ATP1A2: variants seen among roughly 807,000 people sequenced by gnomAD.
The protein encoded by ATP1A2 is sodium/potassium-transporting ATPase subunit alpha-2.
In ATP1A2, 56 loss-of-function variants were observed where a neutral mutation model predicts 113.1. The ratio of observed to expected loss-of-function variants is 0.49; its 90% confidence interval spans 0.40 to 0.62. ATP1A2 has a LOEUF of 0.62. ATP1A2 is among the 20% of genes least tolerant of loss of function. ATP1A2 has a pLI of 0.00. For synonymous variants in ATP1A2, 490 were observed against 526.8 expected, an observed-to-expected ratio of 0.93 and a Z score of 0.96; for missense variants, 712 against 1,357.8, an observed-to-expected ratio of 0.52 and a Z score of 7.47.
At chr1:160,136,092 G>T (rs977073147) in intron 17 of ATP1A2, 99 bp downstream of exon 17, 57 of 1,605,084 alleles carry the variant, frequency 3.6e-5, no homozygotes, top group Non-Finnish European at 4.6e-5. Context: ...AGCTGTGGGG[G>T]TTACAGGAGA....
intron 1 of ATP1A2, among the ~76,000 whole-genome samples, chr1:160,118,998 T>G (rs1651278893): frequency 6.6e-6 from 1 of 151,968 alleles, no homozygotes; most frequent in South Asian, 2.1e-4. Flanking sequence ...ACCCATAGAA[T>G]GTACACCAAG....
At chr1:160,128,229 G>A (rs900781864) in intron 8 of ATP1A2, among the ~76,000 whole-genome samples, 1 of 152,000 alleles carries the variant, frequency 6.6e-6, no homozygotes, top group African/African-American at 2.4e-5. Flanking sequence ...CTCTTTTGTC[G>A]ATTGCTGTGA....
At chr1:160,119,527 C>G (rs1429222181) in intron 1 of ATP1A2, among the ~76,000 whole-genome samples, 1 of 151,950 alleles carries the variant, frequency 6.6e-6, no homozygotes, top group African/African-American at 2.4e-5. Context: ...TTTTTGGGAA[C>G]TTTTCATGGC....
intron 1 of ATP1A2, among the ~76,000 whole-genome samples, chr1:160,117,522 T>C (rs758103138): frequency 5.3e-5 from 8 of 152,122 alleles, no homozygotes; most frequent in Non-Finnish European, 8.8e-5. Context: ...AATAGCAAGA[T>C]GAGGAGCAGA....
At position 160,120,794 on chromosome 1, in the gene ATP1A2, C is replaced by A. The variant is rs760555091; in HGVS notation, c.13-112C>A. 165 of 1,113,408 alleles carry A rather than the reference C, an allele frequency of 1.5e-4. 1 individual carries two copies. Among genetic ancestry groups the A allele is most frequent in the Non-Finnish European group, 2.0e-4 (149 of 756,404 alleles). 69.0% of individuals were successfully genotyped at this position (1,113,408 alleles called of 1,614,324 possible). On this transcript the variant is annotated intron_variant, in intron 1 of 22. Coordinates refer to ENST00000361216, the MANE Select transcript of ATP1A2 (RefSeq NM_000702.4). ...ATCCCCCCTATCTCCCCCAAGGCAG[C>A]CGCTGCTTTTGAACACACACCCCCA...
intron 13 of ATP1A2, among the ~76,000 whole-genome samples, chr1:160,133,266 G>A (rs920482088): frequency 5.3e-5 from 8 of 152,102 alleles, no homozygotes; most frequent in African/African-American, 1.4e-4. Context: ...CAAGTAGGAT[G>A]AGGACGGCAA....
chr1:160,131,872 GGTAA>G (rs1651786383), intron 13 of ATP1A2, among the ~76,000 whole-genome samples: 1 of 152,044 alleles, frequency 6.6e-6, no homozygotes. Context: ...ACTGCAAGTG[GGTAA>G]GTCTTTTCCC....
intron 1 of ATP1A2, among the ~76,000 whole-genome samples, chr1:160,118,054 T>G (rs1382617105): frequency 6.6e-6 from 1 of 151,644 alleles, no homozygotes; most frequent in African/African-American, 2.4e-5. Flanking sequence ...GAGCCTGAGA[T>G]CTTTGCCAGG....
rs564743820 is a variant in ATP1A2, at chr1:160,117,795, G to A, written c.12+1922G>A. On this transcript the variant is annotated intron_variant, in intron 1 of 22. Transcript: ENST00000361216. Reference sequence around the variant, plus strand: ...ACACTGGTGGGAGGGAGCCCAGCCTGCTCCAGCTACCACGGAGAGGCTGAG... The same window carrying A: ...ACACTGGTGGGAGGGAGCCCAGCCTACTCCAGCTACCACGGAGAGGCTGAG... Among the ~76,000 whole-genome samples, 17 of 152,316 alleles carry A rather than the reference G, an allele frequency of 1.1e-4. 1 individual carries two copies. Among genetic ancestry groups the A allele is most frequent in the Admixed American group, 1.0e-3 (16 of 15,306 alleles).
chr1:160,141,372 G>A lies in ATP1A2; in HGVS notation c.*50G>A. The A allele has an allele frequency of 6.2e-7, 1 of 1,608,296 alleles. No homozygotes were observed. ...TGGAAAGATGGGGAGCTCTGGAGGT[G>A]TTGTGGGGATGGTGATGGAGAGGGA... is the stretch of plus-strand genomic sequence containing the variant. On this transcript the variant is annotated 3_prime_UTR_variant, in exon 23 of 23. Coordinates refer to ENST00000361216, the MANE Select transcript of ATP1A2 (RefSeq NM_000702.4).
chr1:160,129,962 G>A, intron 11 of ATP1A2, 140 bp from the exon 12 acceptor site: 2 of 1,086,048 alleles, frequency 1.8e-6, no homozygotes, highest in South Asian at 2.7e-5. Flanking sequence ...ACACCCCCCT[G>A]CACAAGGAGA....
intron 4 of ATP1A2, among the ~76,000 whole-genome samples, chr1:160,123,631 G>T (rs1211743259): frequency 6.6e-6 from 1 of 152,198 alleles, no homozygotes; most frequent in Non-Finnish European, 1.5e-5. Context: ...ATTAATTAAT[G>T]AAACAATCTC....
At position 160,141,636 on chromosome 1, in the gene ATP1A2, C is replaced by T. The variant is rs1041095704; in HGVS notation, c.*314C>T. The T allele has an allele frequency of 2.4e-6, 1 of 423,752 alleles. No homozygotes were observed. Among genetic ancestry groups the T allele is most frequent in the East Asian group, 4.8e-5 (1 of 20,782 alleles). The allele number at this position is 423,752 out of a possible 1,614,324, so 26.2% of individuals were successfully genotyped here. ...TACCCCACCCTGCCCACTCCCATCC[C>T]TTCAACCCCACTTCCTACTGTAATA... On this transcript the variant is annotated 3_prime_UTR_variant, in exon 23 of 23. Transcript: ENST00000361216.
chr1:160,122,831 A>AT (rs1390252779), intron 3 of ATP1A2, among the ~76,000 whole-genome samples: 3 of 152,140 alleles, frequency 2.0e-5, no homozygotes, highest in Non-Finnish European at 4.4e-5. Context: ...CTTAAAAAAA[A>AT]ATCTAGGACT....
In ATP1A2 at chr1:160,130,416, C is replaced by A. The variant is rs768543626; in HGVS notation, c.1652-6C>A. 8 of 1,614,204 alleles carry A rather than the reference C, an allele frequency of 5.0e-6. 1 individual carries two copies. The Middle Eastern group carries it at 4.9e-4, about 100-fold the overall frequency. On this transcript the variant is annotated splice_polypyrimidine_tract_variant and splice_region_variant and intron_variant, in intron 12 of 22. Coordinates refer to ENST00000361216, the MANE Select transcript of ATP1A2 (RefSeq NM_000702.4). ...GATCTCACTGATCCCTTCTGCCCCC[C>A]TTTAGGATTCTGTCAACTGAATCTG...
rs969428700 is a variant in ATP1A2 at position 160,141,561 on chromosome 1, T to C, written c.*239T>C. 2.0e-5 allele frequency: 12 copies of C among 592,138 alleles called. No individual in the cohort carries two copies. The highest frequency in any genetic ancestry group is 3.4e-5 in the Non-Finnish European group (11 of 327,200). 36.7% of individuals were successfully genotyped at this position (592,138 alleles called of 1,614,324 possible). A position where few individuals can be genotyped will look rare whatever the true frequency, so the allele number is the denominator to read the frequency against. ...GTTAGAGTCCCCCCGACCAGATCCT[T>C]TTCCATCCCACTCCACTATGTTGTC... is the stretch of plus-strand genomic sequence containing the variant. On this transcript the variant is annotated 3_prime_UTR_variant, in exon 23 of 23. Coordinates refer to ENST00000361216, the MANE Select transcript of ATP1A2 (RefSeq NM_000702.4).
At chr1:160,128,300 C>A in intron 8 of ATP1A2, 1 of 507,672 alleles carries the variant, frequency 2.0e-6, no homozygotes, top group Non-Finnish European at 3.7e-6. Flanking sequence ...CACTGATTCT[C>A]AGGCCTCAGC....
intron 13 of ATP1A2, 65 bp downstream of exon 13, chr1:160,130,662 T>G: frequency 6.2e-7 from 1 of 1,607,786 alleles, no homozygotes. Flanking sequence ...GGAGCTGCAG[T>G]GGCTGCTGCC....
rs1407980484 is a variant in ATP1A2 at position 160,122,113 on chromosome 1, T to C, written c.177+862T>C. Among the ~76,000 whole-genome samples, 7 of 152,184 alleles carry C rather than the reference T, an allele frequency of 4.6e-5. No homozygotes were observed. In the East Asian group the frequency reaches 7.7e-4, roughly 17 times the overall value. On this transcript the variant is annotated intron_variant, in intron 3 of 22. Transcript: ENST00000361216. ...TACCACTGTACTCCAGACTGGGCGA[T>C]AGAGTGAGACTCCATCTTGAAACAA...
Sources: allele counts gnomAD v4.1 joint callset (sites outside exome capture counted in the v4.1 genomes callset), GRCh38; gene constraint gnomAD v4.1.1; transcripts MANE v1.5; gene names NCBI Gene and HGNC (gene_info 2026-07-23, HGNC 2026-07-21).